CLMP: variants seen among roughly 807,000 people sequenced by gnomAD.
CLMP encodes CXADR like cell adhesion molecule.
A neutral mutation model predicts 45.2 loss-of-function variants in CLMP; 27 were observed. The ratio of observed to expected loss-of-function variants is 0.60; its 90% CI spans 0.44 to 0.82. The LOEUF is 0.82. Among genes scored for constraint, CLMP ranks in the 40% least tolerant of loss-of-function variants. The probability of loss-of-function intolerance (pLI) is 0.00; values close to 1 mark genes in which losing one functional copy is unlikely to be tolerated. For missense variants in CLMP, 403 were observed against 448.4 expected (o/e 0.90, Z 0.91); for synonymous variants, 167 against 171.4 (o/e 0.97, Z 0.20).
intron 1 of CLMP, among the ~76,000 whole-genome samples, chr11:123,181,837 A>C (rs911044530): frequency 3.9e-5 from 6 of 152,256 alleles, no homozygotes; most frequent in Admixed American, 6.5e-5. Context: ...GATTAATATC[A>C]CAGCAGAAAT....
chr11:123,146,927 G>C (rs1323630686), intron 1 of CLMP, among the ~76,000 whole-genome samples: 1 of 152,216 alleles, frequency 6.6e-6, no homozygotes, highest in Middle Eastern at 3.4e-3. Context: ...AAGAACCAGC[G>C]AGGCATGTTT....
At chr11:123,155,037 G>A in intron 1 of CLMP, among the ~76,000 whole-genome samples, 1 of 152,200 alleles carries the variant, frequency 6.6e-6, no homozygotes, top group Admixed American at 6.5e-5. Flanking sequence ...TGCCCAGGTT[G>A]TAGTGCAGTG....
chr11:123,147,607 G>A (rs1196097854), intron 1 of CLMP, among the ~76,000 whole-genome samples: 1 of 151,926 alleles, frequency 6.6e-6, no homozygotes, highest in Non-Finnish European at 1.5e-5. Context: ...CCCTACTCTG[G>A]ATTCCCATAG....
In CLMP at chr11:123,073,187, C is replaced by T. The variant is rs1865693763; in HGVS notation, c.*287G>A. The T allele has an allele frequency of 3.3e-6, 1 of 305,190 alleles. No homozygotes were observed. Among genetic ancestry groups the T allele is most frequent in the African/African-American group, 2.1e-5 (1 of 46,620 alleles). 18.9% of individuals were successfully genotyped at this position (305,190 alleles called of 1,614,324 possible). On this transcript the variant is annotated 3_prime_UTR_variant, in exon 7 of 7. Coordinates refer to ENST00000448775, the MANE Select transcript of CLMP (RefSeq NM_024769.5). ...TATATTCACCTCACCTTTCCCCAAC[C>T]TTCTCACCACAGGTCCTGGTCAACA...
chr11:123,144,367 T>C (rs1373644525), intron 1 of CLMP, among the ~76,000 whole-genome samples: 5 of 152,168 alleles, frequency 3.3e-5, no homozygotes, highest in African/African-American at 9.7e-5. Context: ...TCTCAATAAA[T>C]ATTTGGGGAT....
At chr11:123,125,544 T>TTCCCC (rs1860879704) in intron 1 of CLMP, among the ~76,000 whole-genome samples, 1 of 75,960 alleles carries the variant, frequency 1.3e-5, no homozygotes, top group Non-Finnish European at 2.6e-5. Flanking sequence ...TCCCCTTCCC[T>TTCCCC]CCCCTCCCCT....
chr11:123,165,310 A>G (rs2135536452), intron 1 of CLMP, among the ~76,000 whole-genome samples: 1 of 152,376 alleles, frequency 6.6e-6, no homozygotes, highest in East Asian at 1.9e-4. Flanking sequence ...ACCATATGGT[A>G]AGTCTAAAAC....
At chr11:123,143,521 C>G (rs183541750) in intron 1 of CLMP, among the ~76,000 whole-genome samples, 55 of 144,694 alleles carry the variant, frequency 3.8e-4, no homozygotes, top group South Asian at 9.3e-4. Flanking sequence ...CTATGGGGGG[C>G]GGGGGGGGCA....
At position 123,083,117 on chromosome 11, in the gene CLMP, T is replaced by C; in HGVS notation, c.647A>G (p.Lys216Arg). The C allele has an allele frequency of 6.2e-7, 1 of 1,614,182 alleles. No individual in the cohort carries two copies. Among genetic ancestry groups the C allele is most frequent in the Non-Finnish European group, 8.5e-7 (1 of 1,180,006 alleles). ...YQCTAGNEAG[K>R]ESCVVRVTVQ... ...AGTTACTCGCACCACACAGCTTTCC[T>C]TCCCAGCTTCGTTGCCTGCTGTGCA... is the stretch of plus-strand genomic sequence containing the variant. The change falls in exon 5 of 7, where the codon AAG becomes AGG. Residue 216 changes from lysine to arginine, a missense_variant. Lys to Arg is a conservative substitution (Grantham distance 26, BLOSUM62 2). Coordinates refer to ENST00000448775, the MANE Select transcript of CLMP (RefSeq NM_024769.5).
chr11:123,092,628 C>G (rs761199069), intron 2 of CLMP, among the ~76,000 whole-genome samples: 9 of 149,194 alleles, frequency 6.0e-5, no homozygotes, highest in Non-Finnish European at 1.2e-4. Flanking sequence ...GACAGAGACT[C>G]TCTCTTTTGC....
At chr11:123,100,422 T>A (rs1272240409) in intron 1 of CLMP, among the ~76,000 whole-genome samples, 1 of 151,320 alleles carries the variant, frequency 6.6e-6, no homozygotes, top group Admixed American at 6.6e-5. Context: ...CAAGCTTGCA[T>A]GACTGGTAGG....
intron 1 of CLMP, among the ~76,000 whole-genome samples, chr11:123,174,669 C>T (rs1861675824): frequency 6.6e-6 from 1 of 152,324 alleles, no homozygotes; most frequent in African/African-American, 2.4e-5. Context: ...TCTAAAGGCC[C>T]TTCTGTCTAG....
At chr11:123,080,826 CAAATT>C (rs1269577931) in intron 5 of CLMP, among the ~76,000 whole-genome samples, 3 of 152,126 alleles carry the variant, frequency 2.0e-5, no homozygotes, top group African/African-American at 4.8e-5. Context: ...CTGATTCCGA[CAAATT>C]AAAGGTTTTA....
At chr11:123,110,815 G>A (rs559471821) in intron 1 of CLMP, among the ~76,000 whole-genome samples, 1 of 152,304 alleles carries the variant, frequency 6.6e-6, no homozygotes, top group African/African-American at 2.4e-5. Context: ...TGCCATTTGG[G>A]CTTAATATGT....
chr11:123,077,249 G>A lies in CLMP; in HGVS notation c.680-2406C>T, dbSNP rs546065237. On this transcript the variant is annotated intron_variant, in intron 5 of 6. Transcript: ENST00000448775. Reference sequence around the variant, plus strand: ...CCTGACCTCAGGTGATCTACCCCCCGCCTTGGCCTCCCAAAGTGCTGGGAT... The same window carrying A: ...CCTGACCTCAGGTGATCTACCCCCCACCTTGGCCTCCCAAAGTGCTGGGAT... Among the ~76,000 whole-genome samples, 159 of 151,606 alleles carry A rather than the reference G, an allele frequency of 1.0e-3. 2 individuals carry two copies. In the South Asian group the frequency reaches 0.028, roughly 27 times the overall value.
At chr11:123,092,833 C>T (rs992839041) in intron 2 of CLMP, among the ~76,000 whole-genome samples, 3 of 141,326 alleles carry the variant, frequency 2.1e-5, no homozygotes, top group Admixed American at 7.2e-5. Flanking sequence ...CTCCTGACCT[C>T]GTGATCTGCC....
At chr11:123,151,723 T>C (rs894089404) in intron 1 of CLMP, among the ~76,000 whole-genome samples, 1 of 152,236 alleles carries the variant, frequency 6.6e-6, no homozygotes, top group Admixed American at 6.5e-5. Context: ...AATTAATTCC[T>C]GCTGAGATAT....
Position 123,071,140 on chromosome 11 carries a change from A to C in CLMP, c.*2334T>G, listed in dbSNP as rs1304056410. On this transcript the variant is annotated 3_prime_UTR_variant, in exon 7 of 7. Transcript: ENST00000448775. ...TTTCCTCTAACCTGCTCTTCTTTTA[A>C]AAAGTATTCTGGGCCGGGCATGGTG... 1 of 152,172 alleles carries C rather than the reference A, an allele frequency of 6.6e-6. No individual in the cohort carries two copies. The highest frequency in any genetic ancestry group is 2.4e-5 in the African/African-American group (1 of 41,430). The allele number at this position is 152,172 out of a possible 1,614,324, so 9.4% of individuals were successfully genotyped here.
At chr11:123,124,350 T>C (rs915257891) in intron 1 of CLMP, among the ~76,000 whole-genome samples, 6 of 152,186 alleles carry the variant, frequency 3.9e-5, no homozygotes, top group African/African-American at 1.4e-4. Context: ...TGCTAATCTT[T>C]GAGATTAATC....
Sources: allele counts gnomAD v4.1 joint callset (sites outside exome capture counted in the v4.1 genomes callset), GRCh38; gene constraint gnomAD v4.1.1; transcripts MANE v1.5; gene names NCBI Gene and HGNC (gene_info 2026-07-23, HGNC 2026-07-21).